Variants in CHD6 observed in about 807,000 individuals in gnomAD.
CHD6 encodes the protein chromodomain helicase DNA binding protein 6.
In CHD6, 50 loss-of-function variants were observed where a neutral mutation model predicts 276.9. The ratio of observed to expected loss-of-function variants is 0.18; its 90% CI spans 0.14 to 0.23. CHD6 has a LOEUF of 0.23. Among genes scored for constraint, CHD6 ranks in the 10% least tolerant of loss-of-function variants. The pLI is 1.00. For missense variants in CHD6, 2,564 were observed against 3,365.8 expected, an observed-to-expected ratio of 0.76 and a Z score of 5.89; for synonymous variants, 1,173 against 1,229.3, an observed-to-expected ratio of 0.95 and a Z score of 0.96.
intron 2 of CHD6, among the ~76,000 whole-genome samples, chr20:41,549,933 C>T (rs1460186419): frequency 2.0e-5 from 3 of 152,190 alleles, no homozygotes; most frequent in South Asian, 2.1e-4. Context: ...TGAGTAGCTG[C>T]GATTACAGGT....
At chr20:41,519,701 G>A (rs538284856) in intron 3 of CHD6, among the ~76,000 whole-genome samples, 1 of 152,202 alleles carries the variant, frequency 6.6e-6, no homozygotes, top group Admixed American at 6.5e-5. Flanking sequence ...TTAAATGTTA[G>A]ACCTAAAACC....
intron 20 of CHD6, 66 bp downstream of exon 20, chr20:41,454,560 T>C: frequency 8.1e-7 from 1 of 1,233,086 alleles, no homozygotes; most frequent in South Asian, 1.3e-5. Flanking sequence ...TTGAGCTGTG[T>C]AGGAATTTAT....
intron 1 of CHD6, among the ~76,000 whole-genome samples, chr20:41,554,374 A>ATTTT (rs1317998655): frequency 7.2e-6 from 1 of 138,324 alleles, no homozygotes; most frequent in South Asian, 2.4e-4. Flanking sequence ...TGGCACTTTT[A>ATTTT]TTTTTTATTT....
At chr20:41,484,729 A>C in intron 14 of CHD6, 122 bp from the exon 15 acceptor site, 1 of 1,022,762 alleles carries the variant, frequency 9.8e-7, no homozygotes, top group Non-Finnish European at 1.5e-6. Flanking sequence ...GTAGACTAAA[A>C]GAAAGATTAT....
chr20:41,513,533 G>C (rs6072394), intron 4 of CHD6, among the ~76,000 whole-genome samples: 20,409 of 152,114 alleles, frequency 0.13, 1,595 homozygotes, highest in South Asian at 0.18. Flanking sequence ...GAAATGCAGG[G>C]AGACATCTTA....
chr20:41,539,853 A>C (rs2044907207), intron 2 of CHD6, among the ~76,000 whole-genome samples: 2 of 152,342 alleles, frequency 1.3e-5, no homozygotes, highest in Admixed American at 1.3e-4. Context: ...ATCATCTGGA[A>C]TAATACTACG....
chr20:41,609,102 T>G (rs960384777), intron 1 of CHD6, among the ~76,000 whole-genome samples: 15 of 152,176 alleles, frequency 9.9e-5, no homozygotes, highest in Non-Finnish European at 1.6e-4. Context: ...CAGATCTAAA[T>G]TTCAGCACAC....
At chr20:41,440,932 T>A (rs2047882407) in intron 25 of CHD6, among the ~76,000 whole-genome samples, 1 of 152,264 alleles carries the variant, frequency 6.6e-6, no homozygotes, top group African/African-American at 2.4e-5. Context: ...GTGTTTGGTA[T>A]TTCATTTCTA....
intron 5 of CHD6, among the ~76,000 whole-genome samples, chr20:41,507,621 G>T (rs938776383): frequency 6.6e-6 from 1 of 152,130 alleles, no homozygotes; most frequent in African/African-American, 2.4e-5. Context: ...AACACTCAGT[G>T]TATACAGATA....
At chr20:41,513,229 A>C (rs1042511504) in intron 4 of CHD6, among the ~76,000 whole-genome samples, 1 of 152,154 alleles carries the variant, frequency 6.6e-6, no homozygotes, top group Non-Finnish European at 1.5e-5. Flanking sequence ...GATCCACTAA[A>C]AAGAAGGGGT....
intron 8 of CHD6, 31 bp downstream of exon 8, chr20:41,497,353 C>T: frequency 7.6e-7 from 1 of 1,314,552 alleles, no homozygotes; most frequent in Non-Finnish European, 1.1e-6. Flanking sequence ...AGAAAAGCAG[C>T]AGTCAAATGA....
At chr20:41,483,190 T>C in intron 16 of CHD6, 119 bp downstream of exon 16, 1 of 855,308 alleles carries the variant, frequency 1.2e-6, no homozygotes, top group Non-Finnish European at 1.8e-6. Context: ...TAAAAGGAGA[T>C]TCCTTTCCTC....
chr20:41,498,028 G>A (rs1207076397), intron 7 of CHD6, 140 bp downstream of exon 7: 1 of 637,876 alleles, frequency 1.6e-6, no homozygotes, highest in Non-Finnish European at 2.8e-6. Flanking sequence ...ACTGCCTAAG[G>A]TAAACTTGAG....
In CHD6 at chr20:41,611,268, G is replaced by A. The variant is rs1601196110; in HGVS notation, c.-24+7072C>T. On this transcript the variant is annotated intron_variant, in intron 1 of 36. Coordinates refer to ENST00000373233, the MANE Select transcript of CHD6 (RefSeq NM_032221.5). ...CAGACACAGAAAAAAATCCACCTTT[G>A]CTCCAAAAAGGGTAGAAATGCTAAA... Among the ~76,000 whole-genome samples the A allele has an allele frequency of 5.3e-5, 8 of 152,222 alleles. No homozygotes were observed. The South Asian group carries it at 1.7e-3, about 32-fold the overall frequency.
Position 41,452,847 on chromosome 20 carries a change from G to T in CHD6, c.3216C>A (p.Asp1072Glu). The change falls in exon 21 of 37, where the codon GAC becomes GAA. Residue 1072 changes from aspartate to glutamate, a missense_variant. Transcript: ENST00000373233. This position sits in a 1 kb window ranked among gnomAD's most constrained non-coding sequence, Gnocchi z 4.2. The part of the protein sequence containing the change: ...EDELMEFSEL[D>E]SDSDERPTRS... ...TCGTGGGCCTTTCGTCTGAGTCGCTGTCTAACTCTGAAAACTCCATGAGCT... is the reference window on the plus strand; with the variant it reads ...TCGTGGGCCTTTCGTCTGAGTCGCTTTCTAACTCTGAAAACTCCATGAGCT... The T allele has an allele frequency of 3.7e-6, 6 of 1,613,486 alleles. No individual in the cohort carries two copies. The highest frequency in any genetic ancestry group is 2.2e-5 in the South Asian group (2 of 91,036).
intron 36 of CHD6, 24 bp downstream of exon 36, chr20:41,412,120 C>T (rs749038716): frequency 1.2e-6 from 2 of 1,612,962 alleles, no homozygotes; most frequent in Admixed American, 1.7e-5. Context: ...CCTGGCCCCA[C>T]ACTCACGTGG....
At chr20:41,618,141 T>TGCCCTCCGCCAGGCCGCCCGCCC (rs1376128090) in intron 1 of CHD6, among the ~76,000 whole-genome samples, 199 bp downstream of exon 1, 3 of 149,634 alleles carry the variant, frequency 2.0e-5, no homozygotes, top group Non-Finnish European at 4.5e-5. Flanking sequence ...GGCCGCCGCC[T>TGCCCTCCGCCAGGCCGCCCGCCC]GCCCTCCGCC....
At chr20:41,533,878 C>G (rs1325699781) in intron 2 of CHD6, among the ~76,000 whole-genome samples, 2 of 152,240 alleles carry the variant, frequency 1.3e-5, no homozygotes, top group East Asian at 3.9e-4. Flanking sequence ...AGACTGAGCA[C>G]CAAATAACCT....
At chr20:41,575,107 A>G (rs990316225) in intron 1 of CHD6, among the ~76,000 whole-genome samples, 5 of 152,200 alleles carry the variant, frequency 3.3e-5, no homozygotes, top group African/African-American at 1.2e-4. Context: ...CTTCATTTAC[A>G]TAGCGTGTAC....
Sources: gnomAD v4.1 joint callset for allele counts (sites outside exome capture counted in the v4.1 genomes callset) on GRCh38, gnomAD v4.1.1 for gene constraint, Gnocchi (gnomAD v3.1) non-coding constraint, MANE v1.5 for transcripts, NCBI Gene and HGNC (gene_info 2026-07-23, HGNC 2026-07-21) for gene names.